The following TGM1 variants were observed in gnomAD, a reference collection of about 807,000 sequenced individuals.
TGM1 encodes protein-glutamine gamma-glutamyltransferase K.
TGM1 carries 63 observed loss-of-function variants against 88.7 expected under a neutral mutation model. The ratio of observed to expected loss-of-function variants is 0.71; its 90% CI spans 0.58 to 0.88. The LOEUF (loss-of-function observed/expected upper bound fraction) is 0.88, where lower values mean the gene tolerates loss of function less well. Ranked by LOEUF, TGM1 falls within the 40% of genes least tolerant of loss-of-function variation. The pLI is 0.00. For synonymous variants in TGM1, 415 were observed against 431.1 expected, an observed-to-expected ratio of 0.96 and a Z score of 0.46; for missense variants, 996 against 1,118.0, an observed-to-expected ratio of 0.89 and a Z score of 1.56.
rs1163764189 is a variant in TGM1 at position 24,255,429 on chromosome 14, A to G, written c.1580T>C (p.Ile527Thr). The change falls in exon 11 of 15, where the codon ATT (isoleucine) becomes ACT (threonine). Residue 527 changes from isoleucine to threonine, a missense_variant. Ile to Thr is a moderately conservative substitution (Grantham distance 89, BLOSUM62 -1). Transcript: ENST00000206765. The surrounding 1 kb of genome is among the most constrained non-coding windows in gnomAD (Gnocchi z 4.0). ...GTTGGAGCTGATGGCCTTTGTGACA[A>G]TGAGTGTGCCGATGGCCTTCTCCTC... ...YVEEKAIGTL[I>T]VTKAISSNMR... is the part of the protein sequence containing the mutation. 2 of 1,614,118 alleles carry G rather than the reference A, an allele frequency of 1.2e-6. No homozygotes were observed. The highest frequency in any genetic ancestry group is 1.1e-5 in the South Asian group (1 of 91,080).
In TGM1 at chr14:24,260,684, C is replaced by T. The variant is rs2040801659; in HGVS notation, c.523G>A (p.Val175Met). 1 of 1,614,132 alleles carries T rather than the reference C, an allele frequency of 6.2e-7. No individual in the cohort carries two copies. Among genetic ancestry groups the T allele is most frequent in the Non-Finnish European group, 8.5e-7 (1 of 1,180,030 alleles). ...ATGATCACGTGCGTGCCCTTGCCCA[C>T]CTCGGGGTTGTTTCCTAGAGTAGGA... is the stretch of plus-strand genomic sequence containing the variant. Reference protein sequence around the residue: ...LELLIGNNPEVGKGTHVIIPV... With the variant: ...LELLIGNNPEMGKGTHVIIPV... Residue 175 changes from valine to methionine, a missense_variant, in exon 4 of 15, where the codon GTG becomes ATG. Physicochemically the swap from Val to Met is conservative, Grantham distance 21. Coordinates refer to ENST00000206765, the MANE Select transcript of TGM1 (RefSeq NM_000359.3).
At chr14:24,251,357 C>T (rs1166566909) in intron 14 of TGM1, among the ~76,000 whole-genome samples, 1 of 152,194 alleles carries the variant, frequency 6.6e-6, no homozygotes, top group African/African-American at 2.4e-5. Flanking sequence ...AGTCTATTTA[C>T]TCTATACCAT....
At chr14:24,257,047 T>C (rs1290534070) in intron 9 of TGM1, among the ~76,000 whole-genome samples, 2 of 152,236 alleles carry the variant, frequency 1.3e-5, no homozygotes, top group Admixed American at 1.3e-4. Context: ...CCAGTCTGGC[T>C]GGCCCTGAGC....
chr14:24,262,251 G>C lies in TGM1; in HGVS notation c.102C>G (p.Arg34=), dbSNP rs374708302. 2 of 1,613,698 alleles carry C rather than the reference G, an allele frequency of 1.2e-6. No individual in the cohort carries two copies. Among genetic ancestry groups the C allele is most frequent in the Non-Finnish European group, 8.5e-7 (1 of 1,180,040 alleles). ...SPEPEPEPDG[R]SRRGGGRSFW... ...AGGAACGGCCTCCTCCTCTGCGAGA[G>C]CGTCCGTCTGGCTCTGGCTCTGGCT... Residue 34 remains arginine (R), a synonymous_variant, in exon 2 of 15, where the codon CGC becomes CGG. Transcript: ENST00000206765.
intron 3 of TGM1, 87 bp downstream of exon 3, chr14:24,261,608 G>T: frequency 6.6e-7 from 1 of 1,518,636 alleles, no homozygotes; most frequent in Non-Finnish European, 9.1e-7. Context: ...GGGGCAGGGA[G>T]GAGCCTAAAG....
rs765478385 is a variant in TGM1, at chr14:24,261,791, C to T, written c.412G>A (p.Glu138Lys). 1.9e-5 allele frequency: 30 copies of T among 1,613,972 alleles called. No homozygotes were observed. The highest frequency in any genetic ancestry group is 2.1e-5 in the Non-Finnish European group (25 of 1,180,034). The change falls in exon 3 of 15, where the codon GAG becomes AAG. Residue 138 changes from glutamate (E) to lysine (K), a missense_variant. Coordinates refer to ENST00000206765, the MANE Select transcript of TGM1 (RefSeq NM_000359.3). ...EHHTDEYEYDELIVRRGQPFH... is the reference protein window; with the variant it reads ...EHHTDEYEYDKLIVRRGQPFH... ...GGCTGCCCGCGGCGCACTATCAGCT[C>T]GTCGTACTCATACTCGTCTGTGTGG...
rs2040730398 is a variant in TGM1 at position 24,254,718 on chromosome 14, C to G, written c.2034G>C (p.Gln678His). Residue 678 changes from glutamine to histidine, a missense_variant, in exon 13 of 15, where the codon CAG (glutamine) becomes CAC (histidine). Transcript: ENST00000206765. ...GGAAGGTGTGCTGCTTGGCCAGCAC[C>G]TGCCCGCTCTCCTTGACGTGGCCTG... is the stretch of plus-strand genomic sequence containing the variant. ...NVSGHVKESG[Q>H]VLAKQHTFRL... The G allele has an allele frequency of 1.9e-6, 3 of 1,613,914 alleles. No individual in the cohort carries two copies. Among genetic ancestry groups the G allele is most frequent in the Admixed American group, 3.3e-5 (2 of 60,018 alleles).
chr14:24,254,577 C>T, intron 13 of TGM1, 87 bp downstream of exon 13: 2 of 1,592,916 alleles, frequency 1.3e-6, no homozygotes, highest in Non-Finnish European at 1.7e-6. Context: ...GGCCAGCCTG[C>T]TGCTGGCTTA....
chr14:24,260,792 G>T, intron 3 of TGM1, 94 bp from the exon 4 acceptor site: 1 of 1,542,568 alleles, frequency 6.5e-7, no homozygotes, highest in African/African-American at 1.4e-5. Context: ...CAATGTGTAT[G>T]AGCCACTGTG....
At position 24,255,321 on chromosome 14, in the gene TGM1, CTTG is replaced by C. The variant is rs764003055; in HGVS notation, c.1645+40_1645+42del. 1 of 1,614,210 alleles carries C rather than the reference CTTG, an allele frequency of 6.2e-7. No individual in the cohort carries two copies. The highest frequency in any genetic ancestry group is 1.1e-5 in the South Asian group (1 of 91,088). On this transcript the variant is annotated intron_variant, in intron 11 of 14. Coordinates refer to ENST00000206765, the MANE Select transcript of TGM1 (RefSeq NM_000359.3). The surrounding 1 kb of genome is among the most constrained non-coding windows in gnomAD (Gnocchi z 4.0). ...GGTGGCCAAGCACTTGGCAGGAACA[CTTG>C]TTGTGGGGCCCAGAGCTGGCTGGGT...
In TGM1 at chr14:24,258,407, G is replaced by A. The variant is rs755971176; in HGVS notation, c.1299-19C>T. 1.8e-5 allele frequency: 29 copies of A among 1,613,746 alleles called. No homozygotes were observed. Among genetic ancestry groups the A allele is most frequent in the South Asian group, 2.2e-5 (2 of 91,072 alleles). On this transcript the variant is annotated intron_variant, in intron 8 of 14. Coordinates refer to ENST00000206765, the MANE Select transcript of TGM1 (RefSeq NM_000359.3). ...GAAGTTCCTGGATGGACATGGAGGA[G>A]GGGCTGGGTCTGAGCCCCAGGGTCA...
rs894451059 is a variant in TGM1 at position 24,251,372 on chromosome 14, G to A, written c.2226-1831C>T. ...AGTCTATTTACTCTATACCATAATT[G>A]AACTATAATATTTCAGAAAGTAACC... On this transcript the variant is annotated intron_variant, in intron 14 of 14. Coordinates refer to ENST00000206765, the MANE Select transcript of TGM1 (RefSeq NM_000359.3). 2.0e-5 allele frequency among the ~76,000 whole-genome samples: 3 copies of A among 152,068 alleles called. No homozygotes were observed. In the East Asian group the frequency reaches 5.8e-4, roughly 29 times the overall value.
At chr14:24,250,220 C>A (rs1043488722) in intron 14 of TGM1, among the ~76,000 whole-genome samples, 6 of 151,592 alleles carry the variant, frequency 4.0e-5, no homozygotes, top group Admixed American at 3.3e-4. Context: ...CACACACACA[C>A]ACACAACCAG....
rs150428149 is a variant in TGM1, at chr14:24,255,196, T to C, written c.1703A>G (p.Asn568Ser). ...CGCTGAGCCCCGGTTGGCATACACATTGGGTTTGCTGCCGTGGGCTGCTGC... is the reference window on the plus strand; with the variant it reads ...CGCTGAGCCCCGGTTGGCATACACACTGGGTTTGCTGCCGTGGGCTGCTGC... Reference protein sequence around the residue: ...ETAAAHGSKPNVYANRGSAED... With the variant: ...ETAAAHGSKPSVYANRGSAED... The change falls in exon 12 of 15, where the codon AAT (asparagine) becomes AGT (serine). Residue 568 changes from asparagine to serine, a missense_variant. By Grantham distance (46) the Asn-to-Ser change is conservative. Transcript: ENST00000206765. The surrounding 1 kb of genome is among the most constrained non-coding windows in gnomAD (Gnocchi z 4.0). 4.3e-6 allele frequency: 7 copies of C among 1,613,784 alleles called. No individual in the cohort carries two copies. In the African/African-American group the frequency reaches 8.0e-5, roughly 18 times the overall value.
In TGM1 at chr14:24,255,974, G is replaced by C. The variant is rs373042332; in HGVS notation, c.1491+15C>G. The C allele has an allele frequency of 2.6e-6, 4 of 1,553,702 alleles. No individual in the cohort carries two copies. The highest frequency in any genetic ancestry group is 3.5e-6 in the Non-Finnish European group (4 of 1,147,512). ...TGACTGAAGCCCAAGAAGGCACCTG[G>C]AGCCCAGCCCTCACCTCAGCAAAAA... On this transcript the variant is annotated intron_variant, in intron 10 of 14. Transcript: ENST00000206765. This position sits in a 1 kb window ranked among gnomAD's most constrained non-coding sequence, Gnocchi z 4.0.
At chr14:24,254,032 C>T in intron 14 of TGM1, 120 bp downstream of exon 14, 2 of 1,437,372 alleles carry the variant, frequency 1.4e-6, no homozygotes, top group South Asian at 2.5e-5. Flanking sequence ...CCCCAACCTG[C>T]TTGGTTGGGT....
chr14:24,262,937 C>T (rs1251854576), intron 1 of TGM1, among the ~76,000 whole-genome samples, 152 bp downstream of exon 1: 1 of 152,232 alleles, frequency 6.6e-6, no homozygotes, highest in Non-Finnish European at 1.5e-5. Flanking sequence ...AGCCTGTGCA[C>T]AGGGAAAGCA....
chr14:24,262,081 A>G lies in TGM1; in HGVS notation c.272T>C (p.Val91Ala), dbSNP rs1484506489. 6.2e-7 allele frequency: 1 copy of G among 1,613,556 alleles called. No homozygotes were observed. Among genetic ancestry groups the G allele is most frequent in the African/African-American group, 1.3e-5 (1 of 74,934 alleles). The stretch of plus-strand genomic sequence containing the variant: ...TGCATTGACACCGCTGCCCCGGGAT[A>G]CAGGCCGGCGGGAGTCTGAGCCCCG... ...GSRGSDSRRPVSRGSGVNAAG... is the reference protein window; with the variant it reads ...GSRGSDSRRPASRGSGVNAAG... The change falls in exon 2 of 15, where the codon GTA (valine) becomes GCA (alanine). Residue 91 changes from valine to alanine, a missense_variant. Physicochemically the swap from Val to Ala is moderately conservative, Grantham distance 64. Coordinates refer to ENST00000206765, the MANE Select transcript of TGM1 (RefSeq NM_000359.3).
intron 1 of TGM1, 103 bp from the exon 2 acceptor site, chr14:24,262,457 A>G (rs534383137): frequency 8.0e-7 from 1 of 1,247,964 alleles, no homozygotes; most frequent in Non-Finnish European, 1.1e-6. Context: ...CCGATGACCG[A>G]AACAATCCCA....
Sources: allele counts gnomAD v4.1 joint callset (sites outside exome capture counted in the v4.1 genomes callset), GRCh38; gene constraint gnomAD v4.1.1; non-coding constraint Gnocchi (gnomAD v3.1); transcripts MANE v1.5; gene names NCBI Gene and HGNC (gene_info 2026-07-23, HGNC 2026-07-21).